Variants in ARHGAP32 observed in about 807,000 individuals in gnomAD.
ARHGAP32 encodes Rho GTPase activating protein 32.
ARHGAP32 carries 51 observed loss-of-function variants against 186.5 expected under a neutral mutation model. The observed-to-expected ratio is 0.27, with a 90% confidence interval of 0.22 to 0.35. The LOEUF is 0.35. Among genes scored for constraint, ARHGAP32 ranks in the 10% least tolerant of loss-of-function variants. The pLI, the probability that ARHGAP32 is intolerant of heterozygous loss-of-function variation, is 1.00. For synonymous variants in ARHGAP32, 950 were observed against 964.3 expected (o/e 0.99, Z 0.27); for missense variants, 2,186 against 2,623.5 (o/e 0.83, Z 3.64).
chr11:129,207,888 C>T (rs1565468906), intron 1 of ARHGAP32, among the ~76,000 whole-genome samples: 8 of 152,158 alleles, frequency 5.3e-5, no homozygotes, highest in African/African-American at 1.9e-4. Context: ...CTATCCAAGG[C>T]ATGGCACATT....
chr11:129,179,240 T>G (rs1461521562), intron 1 of ARHGAP32, among the ~76,000 whole-genome samples: 3 of 152,082 alleles, frequency 2.0e-5, no homozygotes, highest in Admixed American at 1.3e-4. Flanking sequence ...AAAACCACAG[T>G]GAGATACCAT....
intron 11 of ARHGAP32, among the ~76,000 whole-genome samples, chr11:129,030,196 G>GT (rs1385256679): frequency 6.6e-6 from 1 of 152,110 alleles, no homozygotes; most frequent in Non-Finnish European, 1.5e-5. Context: ...TCCAAATAGA[G>GT]TAAGTAAAAA....
chr11:129,119,185 T>A (rs1270511867), intron 5 of ARHGAP32, among the ~76,000 whole-genome samples: 2 of 151,966 alleles, frequency 1.3e-5, no homozygotes, highest in Admixed American at 6.6e-5. Flanking sequence ...TATTCTAGGG[T>A]ATCTAGGAAC....
chr11:129,252,139 A>AAG (rs1945194416), intron 1 of ARHGAP32, among the ~76,000 whole-genome samples: 1 of 152,184 alleles, frequency 6.6e-6, no homozygotes, highest in Non-Finnish European at 1.5e-5. Flanking sequence ...TTAACTTTAC[A>AAG]TCTACAGTAT....
At chr11:129,155,799 G>T (rs1943389005) in intron 2 of ARHGAP32, among the ~76,000 whole-genome samples, 1 of 152,176 alleles carries the variant, frequency 6.6e-6, no homozygotes, top group African/African-American at 2.4e-5. Flanking sequence ...GGCCAAATAG[G>T]AACAGCTCCA....
Position 128,980,671 on chromosome 11 carries a change from G to A in ARHGAP32, c.1858C>T (p.Arg620Ter). The A allele has an allele frequency of 1.2e-6, 2 of 1,613,908 alleles. No individual in the cohort carries two copies. Among genetic ancestry groups the A allele is most frequent in the Non-Finnish European group, 1.7e-6 (2 of 1,179,876 alleles). ...KLLTLEEAQA[R>*]TQAQVNSPIV... ...GGAGAATTGACCTGAGCTTGTGTTCGTGCCTGGGCCTCTTCCAATGTCAGC... is the reference window on the plus strand; with the variant it reads ...GGAGAATTGACCTGAGCTTGTGTTCATGCCTGGGCCTCTTCCAATGTCAGC... The change falls in exon 18 of 23, where the codon CGA becomes TGA. Residue 620 changes from arginine to a stop codon, truncating the protein, a stop_gained. Transcript: ENST00000682385. LOFTEE classifies it high-confidence loss of function.
intron 5 of ARHGAP32, among the ~76,000 whole-genome samples, chr11:129,111,182 G>A (rs1035956747): frequency 2.6e-5 from 4 of 152,154 alleles, no homozygotes; most frequent in South Asian, 2.1e-4. Flanking sequence ...GAGAGGAAAC[G>A]ATGGTTTTTG....
At chr11:129,187,263 A>T (rs773781836) in intron 1 of ARHGAP32, among the ~76,000 whole-genome samples, 1 of 152,230 alleles carries the variant, frequency 6.6e-6, no homozygotes, top group Non-Finnish European at 1.5e-5. Context: ...TAAGCCAGGC[A>T]CGGAAAGACA....
intron 5 of ARHGAP32, among the ~76,000 whole-genome samples, chr11:129,113,668 T>C (rs908969905): frequency 6.6e-6 from 1 of 152,128 alleles, no homozygotes. Context: ...AATTCACATA[T>C]GAGTGGACCC....
chr11:129,199,341 T>A (rs530676534), intron 1 of ARHGAP32, among the ~76,000 whole-genome samples: 1 of 152,348 alleles, frequency 6.6e-6, no homozygotes, highest in East Asian at 1.9e-4. Flanking sequence ...GTCAGAGATC[T>A]TTGTGGCAGT....
intron 6 of ARHGAP32, among the ~76,000 whole-genome samples, chr11:129,083,481 C>T (rs981946500): frequency 6.6e-6 from 1 of 152,126 alleles, no homozygotes; most frequent in African/African-American, 2.4e-5. Flanking sequence ...ATGGAAAACC[C>T]AACATTGTAT....
At chr11:128,990,517 T>A (rs1200823980) in intron 12 of ARHGAP32, among the ~76,000 whole-genome samples, 1 of 152,194 alleles carries the variant, frequency 6.6e-6, no homozygotes, top group Admixed American at 6.5e-5. Flanking sequence ...GAATACATTT[T>A]CAACTACATG....
At chr11:129,225,036 G>C (rs1185359617) in intron 1 of ARHGAP32, among the ~76,000 whole-genome samples, 4 of 152,060 alleles carry the variant, frequency 2.6e-5, no homozygotes, top group African/African-American at 9.7e-5. Flanking sequence ...CCTTCAAAGA[G>C]TTTAAGGCTG....
chr11:129,111,426 G>A (rs1382884437), intron 5 of ARHGAP32, among the ~76,000 whole-genome samples: 1 of 152,196 alleles, frequency 6.6e-6, no homozygotes, highest in Admixed American at 6.5e-5. Flanking sequence ...GAATGAGTTA[G>A]GGAGAATTCT....
At chr11:128,993,474 A>C (rs1946118854) in intron 12 of ARHGAP32, 1 of 151,750 alleles carries the variant, frequency 6.6e-6, no homozygotes, top group Admixed American at 6.6e-5. Flanking sequence ...TATCAATATT[A>C]TATATACTGT....
At chr11:128,984,849 T>C (rs1945815808) in intron 15 of ARHGAP32, among the ~76,000 whole-genome samples, 1 of 151,226 alleles carries the variant, frequency 6.6e-6, no homozygotes, top group Non-Finnish European at 1.5e-5. Flanking sequence ...TGAACATCTA[T>C]CTGCAAGACT....
Position 129,123,887 on chromosome 11 carries a change from C to T in ARHGAP32, c.359+1G>A. 7.7e-7 allele frequency: 1 copy of T among 1,296,908 alleles called. No homozygotes were observed. Among genetic ancestry groups the T allele is most frequent in the South Asian group, 1.2e-5 (1 of 80,910 alleles). 80.3% of individuals were successfully genotyped at this position (1,296,908 alleles called of 1,614,324 possible). On this transcript the variant is annotated splice_donor_variant, in intron 4 of 22. Transcript: ENST00000682385. LOFTEE classifies it high-confidence loss of function. This position sits in a 1 kb window ranked among gnomAD's most constrained non-coding sequence, Gnocchi z 4.6. The stretch of plus-strand genomic sequence containing the variant: ...ACACAAAGTAGAAAACCAGATTTTA[C>T]CTGTGAATGTTGTCACAGCCCATCA...
intron 6 of ARHGAP32, among the ~76,000 whole-genome samples, chr11:129,079,490 G>A (rs1176016662): frequency 6.6e-6 from 1 of 152,042 alleles, no homozygotes; most frequent in Non-Finnish European, 1.5e-5. Context: ...TTTGCATCCA[G>A]AAAAACTAAG....
At chr11:129,193,274 C>T (rs1383598250), upstream of ARHGAP32, among the ~76,000 whole-genome samples, 1 of 113,842 alleles carries the variant, frequency 8.8e-6, no homozygotes, top group Non-Finnish European at 1.6e-5. Context: ...GAGTTCAAGA[C>T]CAACCTGGGC....
Sources: gnomAD v4.1 joint callset for allele counts (sites outside exome capture counted in the v4.1 genomes callset) on GRCh38, gnomAD v4.1.1 for gene constraint, Gnocchi (gnomAD v3.1) non-coding constraint, MANE v1.5 for transcripts, NCBI Gene and HGNC (gene_info 2026-07-23, HGNC 2026-07-21) for gene names.